The following METAP1D variants were observed in gnomAD, a reference collection of about 807,000 sequenced individuals.
METAP1D encodes the protein methionine aminopeptidase 1D, mitochondrial.
METAP1D carries 31 observed loss-of-function variants against 40.5 expected under a neutral mutation model. The ratio of observed to expected loss-of-function variants is 0.77; its 90% CI spans 0.58 to 1.03. The LOEUF is 1.03. Among genes scored for constraint, METAP1D ranks in the 50% least tolerant of loss-of-function variants. The probability of loss-of-function intolerance (pLI) is 0.00; values close to 1 mark genes in which losing one functional copy is unlikely to be tolerated. For synonymous variants in METAP1D, 151 were observed against 146.4 expected (o/e 1.03, Z -0.22); for missense variants, 411 against 420.7 (o/e 0.98, Z 0.20).
chr2:172,047,181 G>A (rs527272729), intron 1 of METAP1D, among the ~76,000 whole-genome samples: 20 of 152,278 alleles, frequency 1.3e-4, no homozygotes, highest in Non-Finnish European at 2.8e-4. Context: ...ATGTATGTTG[G>A]TAGTGCTTGA....
chr2:172,017,490 C>T (rs1397758896), intron 1 of METAP1D, among the ~76,000 whole-genome samples: 1 of 151,734 alleles, frequency 6.6e-6, no homozygotes, highest in African/African-American at 2.4e-5. Context: ...TGTAAGTTCC[C>T]TCAGGGTAAG....
chr2:172,063,954 T>A (rs1476257411), intron 3 of METAP1D, 94 bp downstream of exon 3: 1 of 1,328,560 alleles, frequency 7.5e-7, no homozygotes, highest in Non-Finnish European at 9.7e-7. Flanking sequence ...TAGGTTGACA[T>A]CTAATTTGTT....
rs759278102 is a variant in METAP1D, at chr2:172,061,503, C to G, written c.46C>G (p.His16Asp). The stretch of plus-strand genomic sequence containing the variant: ...ATGTCTGTTTCTGCTCACAGGTTCT[C>G]ATAGAATTTTCTCTTCACCACTCAA... ...GVHLLVRRGSHRIFSSPLNHI... is the reference protein window; with the variant it reads ...GVHLLVRRGSDRIFSSPLNHI... The change falls in exon 2 of 10, where the codon CAT (histidine) becomes GAT (aspartate). Residue 16 changes from histidine (H) to aspartate (D), a missense_variant. Physicochemically the swap from His to Asp is moderately conservative, Grantham distance 81. Transcript: ENST00000315796. 3 of 1,609,630 alleles carry G rather than the reference C, an allele frequency of 1.9e-6. No homozygotes were observed. In the African/African-American group the frequency reaches 4.0e-5, roughly 22 times the overall value.
At chr2:172,004,250 A>T (rs941974548) in intron 1 of METAP1D, among the ~76,000 whole-genome samples, 3 of 152,074 alleles carry the variant, frequency 2.0e-5, no homozygotes, top group Non-Finnish European at 2.9e-5. Context: ...ACTTTTGCCA[A>T]CTGCCCTGAG....
intron 1 of METAP1D, among the ~76,000 whole-genome samples, chr2:172,041,726 TTATA>T (rs67708838): frequency 0.12 from 4,358 of 37,326 alleles, 470 homozygotes; most frequent in Middle Eastern, 0.16. Context: ...TCTAATTATT[TTATA>T]TATATATATA....
At chr2:172,027,772 C>T (rs556541002) in intron 1 of METAP1D, among the ~76,000 whole-genome samples, 26 of 152,360 alleles carry the variant, frequency 1.7e-4, no homozygotes, top group African/African-American at 6.3e-4. Context: ...TTATCCCTCA[C>T]TTTCCAGGTA....
At position 172,063,656 on chromosome 2, in the gene METAP1D, A is replaced by G. The variant is rs1690183890; in HGVS notation, c.199-55A>G. 11 of 1,353,736 alleles carry G rather than the reference A, an allele frequency of 8.1e-6. No homozygotes were observed. In the South Asian group the frequency reaches 1.2e-4, roughly 15 times the overall value. The allele number at this position is 1,353,736 out of a possible 1,614,324, so 83.9% of individuals were successfully genotyped here. A position where few individuals can be genotyped will look rare whatever the true frequency, so the allele number is the denominator to read the frequency against. On this transcript the variant is annotated intron_variant, in intron 2 of 9. Transcript: ENST00000315796. The stretch of plus-strand genomic sequence containing the variant: ...GCAGGAGGCTGTGTCTGAAAAAATG[A>G]TCCCATTGTCGTGCGCTGGGTTCTG...
At chr2:172,005,988 T>G (rs926726902) in intron 1 of METAP1D, among the ~76,000 whole-genome samples, 12 of 152,152 alleles carry the variant, frequency 7.9e-5, no homozygotes, top group Admixed American at 7.2e-4. Flanking sequence ...AAAAAAAATA[T>G]ATTGACCTGC....
At position 172,080,700 on chromosome 2, in the gene METAP1D, C is replaced by G. The variant is rs1690684897; in HGVS notation, c.*294C>G. The G allele has an allele frequency of 3.7e-6, 2 of 541,612 alleles. No individual in the cohort carries two copies. The highest frequency in any genetic ancestry group is 3.8e-5 in the African/African-American group (2 of 52,688). The allele number at this position is 541,612 out of a possible 1,614,324, so 33.6% of individuals were successfully genotyped here. On this transcript the variant is annotated 3_prime_UTR_variant, in exon 10 of 10. Transcript: ENST00000315796. ...GGAAACCCCCTTGTTGGAAGAGATT[C>G]CAAGAGAAGCACGGTTTTCTCTTTC...
chr2:172,069,610 T>G (rs1479197443), intron 5 of METAP1D, among the ~76,000 whole-genome samples: 2 of 152,180 alleles, frequency 1.3e-5, no homozygotes, highest in Admixed American at 1.3e-4. Context: ...TACTGCCAAG[T>G]GTATAAAATA....
chr2:172,045,855 A>G (rs1284860139), intron 1 of METAP1D, among the ~76,000 whole-genome samples: 1 of 115,976 alleles, frequency 8.6e-6, no homozygotes, highest in East Asian at 2.2e-4. Flanking sequence ...ATATATATAT[A>G]TATATATATG....
chr2:172,025,903 A>T (rs988072664), intron 1 of METAP1D, among the ~76,000 whole-genome samples: 1 of 152,298 alleles, frequency 6.6e-6, no homozygotes, highest in East Asian at 1.9e-4. Context: ...CAATTGTTAG[A>T]TATATCATTA....
chr2:172,045,714 T>G (rs1689725908), intron 1 of METAP1D, among the ~76,000 whole-genome samples: 2 of 87,426 alleles, frequency 2.3e-5, no homozygotes, highest in Admixed American at 1.1e-4. Context: ...TGTGTGTGTG[T>G]GTGTGTGTGT....
chr2:172,038,065 C>G (rs1456834445), intron 1 of METAP1D, among the ~76,000 whole-genome samples: 1 of 151,974 alleles, frequency 6.6e-6, no homozygotes, highest in Non-Finnish European at 1.5e-5. Context: ...TGGAAATGGC[C>G]GAGAATATGT....
At chr2:172,022,984 C>T (rs148661981) in intron 1 of METAP1D, among the ~76,000 whole-genome samples, 4,759 of 152,086 alleles carry the variant, frequency 0.031, 103 homozygotes, top group Non-Finnish European at 0.047. Context: ...GTCGGGAGTT[C>T]GAGATCAGCC....
At chr2:172,077,097 G>A (rs752744423) in intron 6 of METAP1D, among the ~76,000 whole-genome samples, 1 of 152,188 alleles carries the variant, frequency 6.6e-6, no homozygotes, top group Non-Finnish European at 1.5e-5. Context: ...AACTAATGAA[G>A]CACTAAGAAT....
Position 172,042,472 on chromosome 2 carries a change from T to C in METAP1D, c.41-19026T>C, listed in dbSNP as rs1361859522. ...ATGCGTACATATATACATATATACA[T>C]ATGTGTGTGTACATGTGTACATATA... On this transcript the variant is annotated intron_variant, in intron 1 of 9. Transcript: ENST00000315796. Among the ~76,000 whole-genome samples, 7 of 50,510 alleles carry C rather than the reference T, an allele frequency of 1.4e-4. 3 individuals are homozygous for C. The highest frequency in any genetic ancestry group is 3.9e-4 in the African/African-American group (5 of 12,810). The allele number at this position is 50,510 out of a possible 152,430, so 33.1% of individuals were successfully genotyped here. A position where few individuals can be genotyped will look rare whatever the true frequency, so the allele number is the denominator to read the frequency against.
intron 1 of METAP1D, among the ~76,000 whole-genome samples, chr2:172,040,248 G>T (rs1689487203): frequency 6.6e-6 from 1 of 152,090 alleles, no homozygotes; most frequent in African/African-American, 2.4e-5. Flanking sequence ...GAGCCACTGC[G>T]CCCGGCCGAA....
At chr2:172,051,662 C>T (rs1689886449) in intron 1 of METAP1D, among the ~76,000 whole-genome samples, 1 of 152,148 alleles carries the variant, frequency 6.6e-6, no homozygotes, top group Non-Finnish European at 1.5e-5. Context: ...AGGGTACCCT[C>T]AGGCTGCTGC....
Sources: gnomAD v4.1 joint callset for allele counts (sites outside exome capture counted in the v4.1 genomes callset) on GRCh38, gnomAD v4.1.1 for gene constraint, MANE v1.5 for transcripts, NCBI Gene and HGNC (gene_info 2026-07-23, HGNC 2026-07-21) for gene names.